The following GRAMD4 variants were observed in gnomAD, a reference collection of about 807,000 sequenced individuals.
GRAMD4 encodes GRAM domain-containing protein 4.
Under a neutral mutation model 83.9 loss-of-function variants are expected in GRAMD4, and 25 were observed. The ratio of observed to expected loss-of-function variants is 0.30; its 90% CI spans 0.22 to 0.42. GRAMD4 has a LOEUF of 0.42. Ranked by LOEUF, GRAMD4 falls within the 10% of genes least tolerant of loss-of-function variation. The pLI is 1.00. For synonymous variants in GRAMD4, 336 were observed against 320.9 expected, an observed-to-expected ratio of 1.05 and a Z score of -0.50; for missense variants, 593 against 788.7, an observed-to-expected ratio of 0.75 and a Z score of 2.97.
upstream of GRAMD4, among the ~76,000 whole-genome samples, chr22:46,618,294 C>T (rs1237250569): frequency 6.6e-6 from 1 of 152,086 alleles, no homozygotes; most frequent in South Asian, 2.1e-4. This position sits in a 1 kb window ranked among gnomAD's most constrained non-coding sequence, Gnocchi z 5.8. Flanking sequence ...CAGGCGGGTT[C>T]TAACCAAGCA....
At chr22:46,597,232 CT>C (rs1290709162) in intron 1 of GRAMD4, among the ~76,000 whole-genome samples, 2 of 152,178 alleles carry the variant, frequency 1.3e-5, no homozygotes, top group Non-Finnish European at 2.9e-5. Context: ...CCCTGTGTCC[CT>C]CCTGGCAGGA....
chr22:46,625,675 G>A (rs1001743696), intron 1 of GRAMD4, among the ~76,000 whole-genome samples: 5 of 152,270 alleles, frequency 3.3e-5, no homozygotes, highest in African/African-American at 1.2e-4. Flanking sequence ...AGTTGGGGAC[G>A]GGGTTTTGGG....
intron 13 of GRAMD4, among the ~76,000 whole-genome samples, chr22:46,671,762 C>T (rs113143636): frequency 0.038 from 5,633 of 149,140 alleles, 148 homozygotes; most frequent in African/African-American, 0.072. Flanking sequence ...ATCGCTTGAA[C>T]CCGGGAGGTT....
chr22:46,626,669 C>A (rs1028594817), intron 1 of GRAMD4, 82 bp from the exon 2 acceptor site: 34 of 814,848 alleles, frequency 4.2e-5, no homozygotes, highest in Non-Finnish European at 6.3e-5. Context: ...GAAAGCTGGA[C>A]CGGCTGTGCC....
Position 46,677,099 on chromosome 22 carries a change from G to A in GRAMD4, c.1633-48G>A, listed in dbSNP as rs200873800. On this transcript the variant is annotated intron_variant, in intron 18 of 18. Transcript: ENST00000406902. ...ACTTCGTCTCGGTCCTGGTCCTGGC[G>A]CCAGCCTGGCTGTGCCATGCTCACT... The A allele has an allele frequency of 1.8e-4, 283 of 1,606,278 alleles. No homozygotes were observed. In the African/African-American group the frequency reaches 3.3e-3, roughly 19 times the overall value.
At chr22:46,606,734 A>G (rs909557) in intron 1 of GRAMD4, among the ~76,000 whole-genome samples, 115,692 of 152,030 alleles carry the variant, frequency 0.76, 45,710 homozygotes, top group East Asian at 1. Context: ...GCTCATGCCC[A>G]GTGCTGAGCA....
At chr22:46,632,033 C>T (rs113274281) in intron 2 of GRAMD4, among the ~76,000 whole-genome samples, 12,744 of 150,696 alleles carry the variant, frequency 0.085, 784 homozygotes, top group African/African-American at 0.16. Context: ...TCATCTCTGG[C>T]CGCTGTCACC....
intron 1 of GRAMD4, among the ~76,000 whole-genome samples, chr22:46,611,083 G>A (rs555597705): frequency 6.6e-6 from 1 of 152,140 alleles, no homozygotes; most frequent in African/African-American, 2.4e-5. Flanking sequence ...GGGCATGGTG[G>A]CAGGTGCCTG....
chr22:46,582,186 C>T (rs575843117), intron 1 of GRAMD4, among the ~76,000 whole-genome samples: 2 of 152,070 alleles, frequency 1.3e-5, no homozygotes, highest in African/African-American at 4.8e-5. Flanking sequence ...GGAGGCAGAG[C>T]GTGGGGCTGC....
At chr22:46,666,938 T>C in intron 10 of GRAMD4, 65 bp downstream of exon 10, 1 of 1,177,048 alleles carries the variant, frequency 8.5e-7, no homozygotes, top group Non-Finnish European at 1.2e-6. Context: ...TCACAGCCTG[T>C]AGGCACCGCT....
chr22:46,641,348 C>T (rs890224222), intron 3 of GRAMD4, among the ~76,000 whole-genome samples: 1 of 152,120 alleles, frequency 6.6e-6, no homozygotes, highest in South Asian at 2.1e-4. Flanking sequence ...GTTAGGATTA[C>T]AGGTGTGAGC....
intron 1 of GRAMD4, among the ~76,000 whole-genome samples, chr22:46,610,323 T>G (rs1259096473): frequency 6.6e-6 from 1 of 152,232 alleles, no homozygotes. Flanking sequence ...GTGAGCGTTC[T>G]TATTCTGCTA....
intron 2 of GRAMD4, among the ~76,000 whole-genome samples, chr22:46,629,223 T>G (rs2147178686): frequency 6.6e-6 from 1 of 152,212 alleles, no homozygotes; most frequent in Admixed American, 6.5e-5. Context: ...CAGGCTGAGT[T>G]CCTTAGCTGT....
intron 1 of GRAMD4, among the ~76,000 whole-genome samples, chr22:46,607,236 C>T (rs1251654754): frequency 6.6e-6 from 1 of 151,866 alleles, no homozygotes; most frequent in African/African-American, 2.4e-5. Flanking sequence ...AGGAGAAATA[C>T]CTAATGTAAA....
chr22:46,586,183 G>T (rs927496551), intron 1 of GRAMD4, among the ~76,000 whole-genome samples: 1 of 152,048 alleles, frequency 6.6e-6, no homozygotes, highest in Non-Finnish European at 1.5e-5. Context: ...TGCAGCTTAG[G>T]GGGTGGCCCA....
rs1443731186 is a variant in GRAMD4 at position 46,678,009 on chromosome 22, A to G, written c.*758A>G. The stretch of plus-strand genomic sequence containing the variant: ...CTGCTCTCGGCCTGACACGCCGGCC[A>G]GGAGGTCTGTAGCTGGGGACCAGTA... On this transcript the variant is annotated 3_prime_UTR_variant, in exon 19 of 19. Transcript: ENST00000406902. The G allele has an allele frequency of 2.0e-6, 2 of 985,562 alleles. No individual in the cohort carries two copies. The highest frequency in any genetic ancestry group is 3.5e-5 in the African/African-American group (2 of 57,256). The allele number at this position is 985,562 out of a possible 1,614,324, so 61.1% of individuals were successfully genotyped here. A position where few individuals can be genotyped will look rare whatever the true frequency, so the allele number is the denominator to read the frequency against.
chr22:46,576,527 C>A (rs2081043523), upstream of GRAMD4, among the ~76,000 whole-genome samples: 1 of 152,186 alleles, frequency 6.6e-6, no homozygotes, highest in Non-Finnish European at 1.5e-5. Context: ...AGGTCCAGAT[C>A]CTGGGGACAG....
In GRAMD4 at chr22:46,626,935, C is replaced by T. The variant is rs772529162; in HGVS notation, c.136C>T (p.Arg46Trp). The T allele has an allele frequency of 1.4e-5, 23 of 1,613,732 alleles. No individual in the cohort carries two copies. Among genetic ancestry groups the T allele is most frequent in the South Asian group, 7.7e-5 (7 of 91,078 alleles). ...CCTGAAGGTACCGCGGACCTCGCCCCGGGACAGCGAGGAGCTGAGGGACCC... is the reference window on the plus strand; with the variant it reads ...CCTGAAGGTACCGCGGACCTCGCCCTGGGACAGCGAGGAGCTGAGGGACCC... Reference protein sequence around the residue: ...IPLKVPRTSPRDSEELRDPAG... With the variant: ...IPLKVPRTSPWDSEELRDPAG... Residue 46 changes from arginine (R) to tryptophan (W), a missense_variant, in exon 2 of 19, where the codon CGG becomes TGG. Arg to Trp is a moderately radical substitution (Grantham distance 101, BLOSUM62 -3). Coordinates refer to ENST00000406902, the MANE Select transcript of GRAMD4 (RefSeq NM_015124.5).
chr22:46,631,309 G>T (rs889960301), intron 2 of GRAMD4, among the ~76,000 whole-genome samples: 4 of 152,184 alleles, frequency 2.6e-5, no homozygotes, highest in Non-Finnish European at 4.4e-5. Flanking sequence ...CCCAGCACGT[G>T]TCACACGCCA....
Sources: allele counts gnomAD v4.1 joint callset (sites outside exome capture counted in the v4.1 genomes callset), GRCh38; gene constraint gnomAD v4.1.1; non-coding constraint Gnocchi (gnomAD v3.1); transcripts MANE v1.5; gene names NCBI Gene and HGNC (gene_info 2026-07-23, HGNC 2026-07-21).